Variants in CDH12 observed in about 807,000 individuals in gnomAD.
CDH12 encodes cadherin 12.
A neutral mutation model predicts 74.1 loss-of-function variants in CDH12; 41 were observed. The ratio of observed to expected loss-of-function variants is 0.55; its 90% confidence interval spans 0.43 to 0.72. The LOEUF (loss-of-function observed/expected upper bound fraction) is 0.72. CDH12 is among the 30% of genes least tolerant of loss of function. CDH12 has a pLI of 0.00. For missense variants in CDH12, 945 were observed against 977.2 expected, an observed-to-expected ratio of 0.97 and a Z score of 0.44; for synonymous variants, 399 against 355.0, an observed-to-expected ratio of 1.12 and a Z score of -1.39.
chr5:21,808,366 TAAGCC>T, intron 9 of CDH12, among the ~76,000 whole-genome samples: 1 of 152,048 alleles, frequency 6.6e-6, no homozygotes, highest in Non-Finnish European at 1.5e-5. Context: ...ATTTTTATAG[TAAGCC>T]TATATTATTT....
chr5:22,614,729 C>T (rs1456486995), intron 1 of CDH12, among the ~76,000 whole-genome samples: 1 of 152,050 alleles, frequency 6.6e-6, no homozygotes, highest in African/African-American at 2.4e-5. Flanking sequence ...ACAGTATTTT[C>T]CCCTTATCCA....
intron 2 of CDH12, among the ~76,000 whole-genome samples, chr5:22,459,288 A>T (rs1049294397): frequency 2.0e-4 from 31 of 152,116 alleles, no homozygotes; most frequent in African/African-American, 7.0e-4. Flanking sequence ...TACCACTCCT[A>T]TAATATTTTA....
chr5:22,513,242 C>A (rs535534996), intron 1 of CDH12, among the ~76,000 whole-genome samples: 4 of 152,138 alleles, frequency 2.6e-5, no homozygotes, highest in East Asian at 3.9e-4. Flanking sequence ...AGGTCCACCA[C>A]CAACAACAAA....
intron 1 of CDH12, among the ~76,000 whole-genome samples, chr5:22,845,617 T>C (rs1737265831): frequency 6.6e-6 from 1 of 152,172 alleles, no homozygotes; most frequent in Admixed American, 6.5e-5. Flanking sequence ...AGATGATTCT[T>C]CTGCAGAAGA....
At position 21,934,888 on chromosome 5, in the gene CDH12, G is replaced by A. The variant is rs570878297; in HGVS notation, c.526+40203C>T. Among the ~76,000 whole-genome samples the A allele has an allele frequency of 2.6e-5, 4 of 152,178 alleles. No homozygotes were observed. The East Asian group carries it at 7.8e-4, about 30-fold the overall frequency. On this transcript the variant is annotated intron_variant, in intron 6 of 14. Transcript: ENST00000382254. ...TGCAAGCTCCGCCTCCCTAGTTCAT[G>A]CCATTCTCCTGCCTCAGCCTCCCGA...
At chr5:22,063,726 T>A (rs1175014209) in intron 5 of CDH12, among the ~76,000 whole-genome samples, 2 of 151,818 alleles carry the variant, frequency 1.3e-5, no homozygotes, top group Non-Finnish European at 2.9e-5. Flanking sequence ...TTTAATGAGA[T>A]TAACATTTAA....
At chr5:22,416,137 C>G (rs1262912341) in intron 2 of CDH12, among the ~76,000 whole-genome samples, 4 of 131,928 alleles carry the variant, frequency 3.0e-5, no homozygotes, top group Non-Finnish European at 4.6e-5. Flanking sequence ...TGCAGTGGCG[C>G]AATCTCGGCT....
intron 1 of CDH12, among the ~76,000 whole-genome samples, chr5:22,529,041 A>G (rs946653014): frequency 1.3e-5 from 2 of 151,630 alleles, no homozygotes; most frequent in African/African-American, 4.8e-5. Flanking sequence ...ATATGCATAT[A>G]TATGCATATA....
At chr5:22,638,275 A>G (rs1450993635) in intron 1 of CDH12, among the ~76,000 whole-genome samples, 2 of 152,206 alleles carry the variant, frequency 1.3e-5, no homozygotes, top group African/African-American at 4.8e-5. Flanking sequence ...GCCAGGCAGC[A>G]TCCCAAAACC....
chr5:22,646,154 G>A (rs1195689880), intron 1 of CDH12, among the ~76,000 whole-genome samples: 1 of 151,746 alleles, frequency 6.6e-6, no homozygotes, highest in Non-Finnish European at 1.5e-5. Context: ...AGGAGATGAT[G>A]CACTTATCTT....
In CDH12 at chr5:21,842,298, T is replaced by C; in HGVS notation, c.677A>G (p.Asp226Gly). 6.2e-7 allele frequency: 1 copy of C among 1,612,098 alleles called. No homozygotes were observed. The highest frequency in any genetic ancestry group is 8.5e-7 in the Non-Finnish European group (1 of 1,178,990). Reference sequence around the variant, plus strand: ...TTGATATTGTTCTTTGACTTCTCTGTCCATGTTTGGCAAAGCTGTTCTAAT... The same window carrying C: ...TTGATATTGTTCTTTGACTTCTCTGCCCATGTTTGGCAAAGCTGTTCTAAT... ...GVIRTALPNM[D>G]REVKEQYQVL... The change falls in exon 8 of 15, where the codon GAC becomes GGC. Residue 226 changes from aspartate to glycine, a missense_variant. Asp to Gly is a moderately conservative substitution (Grantham distance 94). Coordinates refer to ENST00000382254, the MANE Select transcript of CDH12 (RefSeq NM_004061.5).
At chr5:22,016,161 A>AAACGG (rs2150156863) in intron 5 of CDH12, among the ~76,000 whole-genome samples, 1 of 152,248 alleles carries the variant, frequency 6.6e-6, no homozygotes, top group African/African-American at 2.4e-5. Flanking sequence ...ATACATTAGG[A>AAACGG]AACGGAGAAC....
In CDH12 at chr5:22,299,501, G is replaced by A. The variant is rs1051453412; in HGVS notation, c.-332-86858C>T. ...TATTATTTAAATCATTATGCAAGAAGTAGCATGGTGTAGTGCAAAGAATTT... is the reference window on the plus strand; with the variant it reads ...TATTATTTAAATCATTATGCAAGAAATAGCATGGTGTAGTGCAAAGAATTT... On this transcript the variant is annotated intron_variant, in intron 3 of 14. Transcript: ENST00000382254. Among the ~76,000 whole-genome samples, 8 of 152,182 alleles carry A rather than the reference G, an allele frequency of 5.3e-5. No individual in the cohort carries two copies. In the South Asian group the frequency reaches 1.7e-3, roughly 32 times the overall value.
intron 1 of CDH12, among the ~76,000 whole-genome samples, chr5:22,660,786 TA>T: frequency 6.6e-6 from 1 of 152,314 alleles, no homozygotes; most frequent in Middle Eastern, 3.4e-3. Flanking sequence ...TTAAATACAA[TA>T]TTTCCATCTA....
intron 5 of CDH12, among the ~76,000 whole-genome samples, chr5:22,047,780 T>TA (rs1351205613): frequency 6.6e-6 from 1 of 152,172 alleles, no homozygotes; most frequent in Admixed American, 6.5e-5. Flanking sequence ...CCAACATACC[T>TA]AAAATTACTC....
At chr5:22,026,912 G>A (rs909334700) in intron 5 of CDH12, among the ~76,000 whole-genome samples, 4 of 151,980 alleles carry the variant, frequency 2.6e-5, no homozygotes, top group Admixed American at 6.6e-5. Flanking sequence ...TATTATGAAA[G>A]GTATTTCTTG....
At chr5:21,867,362 A>T (rs746934446) in intron 6 of CDH12, among the ~76,000 whole-genome samples, 13 of 152,182 alleles carry the variant, frequency 8.5e-5, no homozygotes, top group Admixed American at 3.3e-4. Context: ...TCTCAAAAAA[A>T]TAAAATAAAA....
intron 4 of CDH12, among the ~76,000 whole-genome samples, chr5:22,133,889 G>A (rs1348416659): frequency 6.6e-6 from 1 of 151,896 alleles, no homozygotes; most frequent in Non-Finnish European, 1.5e-5. Flanking sequence ...ATTTTTTTCG[G>A]TTATTCTTAT....
intron 2 of CDH12, among the ~76,000 whole-genome samples, chr5:22,430,534 C>T (rs1214696983): frequency 1.3e-5 from 2 of 152,100 alleles, no homozygotes; most frequent in Non-Finnish European, 2.9e-5. Flanking sequence ...TAGCATGTTT[C>T]ACAATTTCTT....
Sources: allele counts gnomAD v4.1 joint callset (sites outside exome capture counted in the v4.1 genomes callset), GRCh38; gene constraint gnomAD v4.1.1; transcripts MANE v1.5; gene names NCBI Gene and HGNC (gene_info 2026-07-23, HGNC 2026-07-21).